LRRC53: variants seen among roughly 807,000 people sequenced by gnomAD.
LRRC53 encodes the protein leucine rich repeat containing 53.
In LRRC53, 25 loss-of-function variants were observed where a neutral mutation model predicts 13.6. The observed-to-expected ratio is 1.83, with a 90% CI of 1.34 to 2.56. The LOEUF is 2.56. Among genes scored for constraint, LRRC53 ranks in the 30% most tolerant of loss-of-function variants. The pLI, the probability that LRRC53 is intolerant of heterozygous loss-of-function variation, is 0.00. For synonymous variants in LRRC53, 204 were observed against 109.8 expected (o/e 1.86, Z -5.37); for missense variants, 527 against 275.8 (o/e 1.91, Z -6.45).
In LRRC53 at chr1:74,475,441, C is replaced by T. The variant is rs1361108087; in HGVS notation, c.1274G>A (p.Cys425Tyr). The T allele has an allele frequency of 4.2e-6, 3 of 717,156 alleles. No homozygotes were observed. Among genetic ancestry groups the T allele is most frequent in the Non-Finnish European group, 7.8e-6 (3 of 384,892 alleles). The allele number at this position is 717,156 out of a possible 1,614,324, so 44.4% of individuals were successfully genotyped here. Residue 425 changes from cysteine to tyrosine, a missense_variant, in exon 4 of 5, where the codon TGT becomes TAT. By Grantham distance (194) the Cys-to-Tyr change is radical (BLOSUM62 -2). Coordinates refer to ENST00000294635, the MANE Select transcript of LRRC53 (RefSeq NM_001382280.1). Reference sequence around the variant, plus strand: ...TCTCATATTTCCAGGAGGCTCTGAACATTCCGAATGCAGCAATCTACCATC... The same window carrying T: ...TCTCATATTTCCAGGAGGCTCTGAATATTCCGAATGCAGCAATCTACCATC... ...CQDGRLLHSE[C>Y]SEPPGNMRAF...
At chr1:74,515,834 T>C (rs1557621121), upstream of LRRC53, among the ~76,000 whole-genome samples, 1 of 152,192 alleles carries the variant, frequency 6.6e-6, no homozygotes, top group Non-Finnish European at 1.5e-5. Context: ...AAATTGGCTA[T>C]TTCTTTAGAC....
At chr1:74,500,152 T>G (rs1442569133) in intron 1 of LRRC53, among the ~76,000 whole-genome samples, 1 of 152,020 alleles carries the variant, frequency 6.6e-6, no homozygotes, top group East Asian at 1.9e-4. Flanking sequence ...CTGACCTCTA[T>G]AATACCTCTT....
chr1:74,495,561 A>C (rs985876194), intron 1 of LRRC53, among the ~76,000 whole-genome samples: 2 of 152,192 alleles, frequency 1.3e-5, no homozygotes, highest in South Asian at 2.1e-4. Flanking sequence ...GTCACTATTG[A>C]ACATCCTGGG....
rs1333624684 is a variant in LRRC53, at chr1:74,489,233, T to A, written c.-26-5858A>T. On this transcript the variant is annotated intron_variant, in intron 1 of 4. Transcript: ENST00000294635. Reference sequence around the variant, plus strand: ...AAGTTGTCATGAAGTTAGAAGAGTGTCTCTGCAACATTGAGGTAAAAGCTT... The same window carrying A: ...AAGTTGTCATGAAGTTAGAAGAGTGACTCTGCAACATTGAGGTAAAAGCTT... 1.9e-5 allele frequency: 31 copies of A among 1,611,946 alleles called. No individual in the cohort carries two copies. Among genetic ancestry groups the A allele is most frequent in the Non-Finnish European group, 2.5e-5 (30 of 1,179,160 alleles).
At chr1:74,526,669 T>C in the LRRC53 span, among the ~76,000 whole-genome samples, 2 of 152,230 alleles carry the variant, frequency 1.3e-5, no homozygotes, top group Non-Finnish European at 2.9e-5. Context: ...CATTAGCTCA[T>C]GCATTTTAGT....
upstream of LRRC53, among the ~76,000 whole-genome samples, chr1:74,516,672 AAAG>A (rs1331734438): frequency 1.3e-5 from 2 of 152,148 alleles, no homozygotes; most frequent in African/African-American, 4.8e-5. Flanking sequence ...CCACGTTTAA[AAAG>A]AAGGACATTT....
Position 74,480,487 on chromosome 1 carries a change from T to C in LRRC53, c.570A>G (p.Arg190=). The C allele has an allele frequency of 2.8e-6, 2 of 717,528 alleles. No homozygotes were observed. The highest frequency in any genetic ancestry group is 5.2e-6 in the Non-Finnish European group (2 of 385,094). The allele number at this position is 717,528 out of a possible 1,614,324, so 44.4% of individuals were successfully genotyped here. The change falls in exon 3 of 5, where the codon CGA becomes CGG. Residue 190 remains arginine (R), a synonymous_variant. Transcript: ENST00000294635. The stretch of plus-strand genomic sequence containing the variant: ...CATCCGGCATGTGGGCTAACCTATT[T>C]CGGGAAAGGTCCACTTCCTGTAGTT... The part of the protein sequence containing the change: ...LPQLQEVDLS[R]NRLAHMPDVF...
the LRRC53 span, among the ~76,000 whole-genome samples, chr1:74,535,373 C>T: frequency 6.6e-6 from 1 of 152,040 alleles, no homozygotes; most frequent in Non-Finnish European, 1.5e-5. Context: ...CTTATGCTGA[C>T]ACACAAGAAT....
Position 74,472,019 on chromosome 1 carries a change from G to A in LRRC53, c.1603C>T (p.Pro535Ser). 1.4e-6 allele frequency: 1 copy of A among 694,582 alleles called. No homozygotes were observed. Among genetic ancestry groups the A allele is most frequent in the South Asian group, 1.6e-5 (1 of 63,440 alleles). The allele number at this position is 694,582 out of a possible 1,614,324, so 43.0% of individuals were successfully genotyped here. A position where few individuals can be genotyped will look rare whatever the true frequency, so the allele number is the denominator to read the frequency against. Reference protein sequence around the residue: ...ITSSSSKPCEPEEHYVQKIVQ... With the variant: ...ITSSSSKPCESEEHYVQKIVQ... ...ATCTTTTGTACATAGTGTTCCTCAGGCTCACAAGGCTTGGATGATGAGCTT... is the reference window on the plus strand; with the variant it reads ...ATCTTTTGTACATAGTGTTCCTCAGACTCACAAGGCTTGGATGATGAGCTT... Residue 535 changes from proline to serine, a missense_variant, in exon 5 of 5, where the codon CCT (proline) becomes TCT (serine). By Grantham distance (74) the Pro-to-Ser change is moderately conservative. Transcript: ENST00000294635.
the LRRC53 span, among the ~76,000 whole-genome samples, chr1:74,524,624 T>G: frequency 3.3e-5 from 5 of 152,002 alleles, no homozygotes; most frequent in East Asian, 9.6e-4. Context: ...ATTCATTCAC[T>G]TAGCAAATAC....
the LRRC53 span, among the ~76,000 whole-genome samples, chr1:74,525,754 A>G: frequency 6.6e-6 from 1 of 152,198 alleles, no homozygotes; most frequent in Non-Finnish European, 1.5e-5. Context: ...ATCCACAGTC[A>G]TGGTCTTGTC....
In LRRC53 at chr1:74,471,609, C is replaced by T. The variant is rs1667935559; in HGVS notation, c.2013G>A (p.Leu671=). 2 of 400,562 alleles carry T rather than the reference C, an allele frequency of 5.0e-6. No individual in the cohort carries two copies. Among genetic ancestry groups the T allele is most frequent in the African/African-American group, 4.1e-5 (2 of 48,654 alleles). The allele number at this position is 400,562 out of a possible 1,614,324, so 24.8% of individuals were successfully genotyped here. A position where few individuals can be genotyped will look rare whatever the true frequency, so the allele number is the denominator to read the frequency against. The change falls in exon 5 of 5, where the codon CTG becomes CTA. Residue 671 remains leucine, a synonymous_variant. Transcript: ENST00000294635. ...TAAATTTTTTAACATCCAACTTAGT[C>T]AGTTGGTTACTTTGATTTTTCTGTC... The part of the protein sequence containing the change: ...WKRQKNQSNQ[L]TKLDVKKFSN...
chr1:74,532,433 A>T, the LRRC53 span, among the ~76,000 whole-genome samples: 1 of 151,336 alleles, frequency 6.6e-6, no homozygotes, highest in African/African-American at 2.4e-5. Flanking sequence ...ACTGAACAAT[A>T]GTTTGACACG....
chr1:74,509,747 C>CTTTTTTTT (rs68193106), intron 1 of LRRC53, among the ~76,000 whole-genome samples: 2 of 47,810 alleles, frequency 4.2e-5, no homozygotes, highest in African/African-American at 8.5e-5. Flanking sequence ...ATCTGAATTT[C>CTTTTTTTT]TTTTTTTTTT....
At chr1:74,484,530 C>T (rs1407415066) in intron 1 of LRRC53, among the ~76,000 whole-genome samples, 2 of 152,118 alleles carry the variant, frequency 1.3e-5, no homozygotes, top group East Asian at 1.9e-4. Flanking sequence ...AGGAGAAGAT[C>T]GCATTGACTC....
chr1:74,524,952 G>A, the LRRC53 span, among the ~76,000 whole-genome samples: 10 of 152,220 alleles, frequency 6.6e-5, no homozygotes, highest in South Asian at 1.5e-3. Flanking sequence ...AAGAGAGGTA[G>A]CCAATTAATT....
intron 2 of LRRC53, among the ~76,000 whole-genome samples, chr1:74,481,364 G>A (rs1463334783): frequency 6.6e-6 from 1 of 152,170 alleles, no homozygotes; most frequent in Non-Finnish European, 1.5e-5. Flanking sequence ...TAAGAGCTGA[G>A]CCTGTGTCTG....
At chr1:74,531,103 CT>C in the LRRC53 span, among the ~76,000 whole-genome samples, 2 of 152,056 alleles carry the variant, frequency 1.3e-5, no homozygotes, top group Non-Finnish European at 2.9e-5. Flanking sequence ...TCTTTCAGTT[CT>C]TTTATAGCCT....
intron 1 of LRRC53, among the ~76,000 whole-genome samples, chr1:74,503,613 G>A (rs1669745465): frequency 6.6e-6 from 1 of 152,104 alleles, no homozygotes; most frequent in African/African-American, 2.4e-5. Context: ...TCATCTCTGA[G>A]ACGTAAAATT....
Sources: gnomAD v4.1 joint callset for allele counts (sites outside exome capture counted in the v4.1 genomes callset) on GRCh38, gnomAD v4.1.1 for gene constraint, MANE v1.5 for transcripts, NCBI Gene and HGNC (gene_info 2026-07-23, HGNC 2026-07-21) for gene names.